Variants in TOP6BL observed in about 807,000 individuals in gnomAD.
TOP6BL encodes the protein type 2 DNA topoisomerase 6 subunit B-like.
At chr11:66,748,190 T>C in the TOP6BL span, among the ~76,000 whole-genome samples, 4 of 152,250 alleles carry the variant, frequency 2.6e-5, no homozygotes, top group African/African-American at 9.6e-5. Flanking sequence ...TCTTTTCTTA[T>C]GTCACTCTCC....
At chr11:66,752,090 T>A in the TOP6BL span, among the ~76,000 whole-genome samples, 1 of 152,246 alleles carries the variant, frequency 6.6e-6, no homozygotes, top group Non-Finnish European at 1.5e-5. Context: ...TCAGAGTGTT[T>A]CTGTAGTTTT....
chr11:66,757,853 G>T, the TOP6BL span, among the ~76,000 whole-genome samples: 1 of 152,172 alleles, frequency 6.6e-6, no homozygotes. Flanking sequence ...TTCTCAAAGT[G>T]CTGGGATTAC....
At chr11:66,749,851 T>G in the TOP6BL span, among the ~76,000 whole-genome samples, 1 of 152,214 alleles carries the variant, frequency 6.6e-6, no homozygotes, top group African/African-American at 2.4e-5. Context: ...GGGCTGGGAT[T>G]ACAAACGTGA....
the TOP6BL span, among the ~76,000 whole-genome samples, chr11:66,754,835 T>C: frequency 6.6e-6 from 1 of 152,192 alleles, no homozygotes; most frequent in African/African-American, 2.4e-5. Flanking sequence ...TTTTCAAGTA[T>C]CTTCTCCCCA....
the TOP6BL span, among the ~76,000 whole-genome samples, chr11:66,792,270 C>T: frequency 1.3e-5 from 2 of 152,118 alleles, no homozygotes; most frequent in African/African-American, 4.8e-5. Context: ...CCTTTAGCAC[C>T]TCATTTATCT....
At chr11:66,768,502 A>ACTCATAGG in the TOP6BL span, among the ~76,000 whole-genome samples, 1 of 152,140 alleles carries the variant, frequency 6.6e-6, no homozygotes, top group East Asian at 1.9e-4. Flanking sequence ...ACATTTGTAG[A>ACTCATAGG]CTCATAGGTT....
At chr11:66,759,674 C>T in the TOP6BL span, among the ~76,000 whole-genome samples, 3 of 152,266 alleles carry the variant, frequency 2.0e-5, no homozygotes, top group East Asian at 3.9e-4. Flanking sequence ...ACCTCTGCCT[C>T]CTGGGTTCAA....
the TOP6BL span, chr11:66,843,239 G>A: frequency 7.5e-6 from 12 of 1,608,192 alleles, no homozygotes; most frequent in African/African-American, 1.3e-5. Flanking sequence ...CCCTGAGCCG[G>A]GTCCCCTTCC....
the TOP6BL span, chr11:66,758,302 C>CTTTTCTTTTTTT: frequency 1.9e-4 from 13 of 67,326 alleles, no homozygotes; most frequent in East Asian, 2.0e-3. Context: ...TTTTCTTTTT[C>CTTTTCTTTTTTT]TTTTTTTTTT....
chr11:66,753,261 G>A, the TOP6BL span, among the ~76,000 whole-genome samples: 49 of 152,202 alleles, frequency 3.2e-4, no homozygotes, highest in Middle Eastern at 3.4e-3. Flanking sequence ...TCTGTCTTGC[G>A]GGTGTATCCT....
the TOP6BL span, chr11:66,822,618 A>G: frequency 1.9e-6 from 3 of 1,553,192 alleles, no homozygotes; most frequent in Non-Finnish European, 1.7e-6. Context: ...CATCATGAGT[A>G]TTCTGACTGG....
At chr11:66,786,932 G>A in the TOP6BL span, among the ~76,000 whole-genome samples, 1 of 140,464 alleles carries the variant, frequency 7.1e-6, no homozygotes, top group East Asian at 2.0e-4. Flanking sequence ...TACAATTTTT[G>A]TTTTGTTTTT....
At chr11:66,784,616 C>G in the TOP6BL span, among the ~76,000 whole-genome samples, 1 of 152,348 alleles carries the variant, frequency 6.6e-6, no homozygotes, top group Admixed American at 6.5e-5. Context: ...TTTTGGACAT[C>G]TCATATAAAT....
chr11:66,804,951 C>G, the TOP6BL span, among the ~76,000 whole-genome samples: 1 of 152,168 alleles, frequency 6.6e-6, no homozygotes, highest in Non-Finnish European at 1.5e-5. Context: ...CCTGTAATCC[C>G]AGCTACTCAG....
At chr11:66,808,821 CAGAGT>C in the TOP6BL span, among the ~76,000 whole-genome samples, 1 of 152,050 alleles carries the variant, frequency 6.6e-6, no homozygotes. Context: ...GAGGGGTTAA[CAGAGT>C]AAAGAGTAAA....
chr11:66,840,304 T>C, the TOP6BL span, among the ~76,000 whole-genome samples: 2 of 152,164 alleles, frequency 1.3e-5, no homozygotes, highest in East Asian at 1.9e-4. Context: ...TGCCTCCTGC[T>C]TCATACTTAC....
At chr11:66,836,235 G>C in the TOP6BL span, among the ~76,000 whole-genome samples, 1 of 152,014 alleles carries the variant, frequency 6.6e-6, no homozygotes, top group Non-Finnish European at 1.5e-5. Flanking sequence ...TGTTGTTGTT[G>C]AGACGGAGTC....
chr11:66,821,071 A>T, the TOP6BL span, among the ~76,000 whole-genome samples: 1 of 152,196 alleles, frequency 6.6e-6, no homozygotes, highest in South Asian at 2.1e-4. Flanking sequence ...TGCAAGCCTG[A>T]TACCATGTTC....
chr11:66,750,672 T>C, the TOP6BL span, among the ~76,000 whole-genome samples: 1 of 152,088 alleles, frequency 6.6e-6, no homozygotes, highest in Admixed American at 6.6e-5. Context: ...TATTTATCTT[T>C]GATCTAAGTA....
Sources: allele counts gnomAD v4.1 joint callset (sites outside exome capture counted in the v4.1 genomes callset), GRCh38; gene constraint gnomAD v4.1.1; transcripts MANE v1.5; gene names NCBI Gene and HGNC (gene_info 2026-07-23, HGNC 2026-07-21).